ATRN: variants seen among roughly 807,000 people sequenced by gnomAD.
The protein encoded by ATRN is attractin-2.
ATRN carries 54 observed loss-of-function variants against 178.7 expected under a neutral mutation model. The observed-to-expected ratio is 0.30, with a 90% confidence interval of 0.24 to 0.38. ATRN has a LOEUF of 0.38. Ranked by LOEUF, ATRN falls within the 10% of genes least tolerant of loss-of-function variation. The probability of loss-of-function intolerance (pLI) is 1.00; values close to 1 mark genes in which losing one functional copy is unlikely to be tolerated. For synonymous variants in ATRN, 636 were observed against 663.0 expected (o/e 0.96, Z 0.63); for missense variants, 1,443 against 1,815.1 (o/e 0.79, Z 3.73).
At chr20:3,489,856 A>T (rs2084759761) in intron 1 of ATRN, 1 of 1,273,756 alleles carries the variant, frequency 7.9e-7, no homozygotes, top group African/African-American at 1.5e-5. Flanking sequence ...TATAGCCAGT[A>T]GGGAATGCGT....
At position 3,596,368 on chromosome 20, in the gene ATRN, C is replaced by A; in HGVS notation, c.3417-9C>A. 1.9e-6 allele frequency: 3 copies of A among 1,603,800 alleles called. No homozygotes were observed. The highest frequency in any genetic ancestry group is 2.6e-6 in the Non-Finnish European group (3 of 1,174,126). ...ATAGCAGTATAAAATAGTCTTTTTT[C>A]CCCCCCAGATGTGAGGTAGAAAATC... is the stretch of plus-strand genomic sequence containing the variant. On this transcript the variant is annotated splice_polypyrimidine_tract_variant and intron_variant, in intron 20 of 28. Coordinates refer to ENST00000262919, the MANE Select transcript of ATRN (RefSeq NM_139321.3).
At chr20:3,496,070 C>T (rs1256196202) in intron 1 of ATRN, among the ~76,000 whole-genome samples, 1 of 152,164 alleles carries the variant, frequency 6.6e-6, no homozygotes, top group Non-Finnish European at 1.5e-5. Context: ...AAGGCAATCT[C>T]TAAAAATCAA....
intron 25 of ATRN, among the ~76,000 whole-genome samples, chr20:3,631,871 C>T (rs1288152712): frequency 6.6e-6 from 1 of 152,092 alleles, no homozygotes; most frequent in Non-Finnish European, 1.5e-5. Flanking sequence ...CAGGATTATG[C>T]GTGGAAGCCA....
chr20:3,613,647 G>C (rs671577), intron 24 of ATRN, among the ~76,000 whole-genome samples: 2 of 150,534 alleles, frequency 1.3e-5, no homozygotes, highest in Non-Finnish European at 3.0e-5. Flanking sequence ...TTTCGATGCA[G>C]GCAAAGCCGT....
intron 23 of ATRN, among the ~76,000 whole-genome samples, chr20:3,602,373 G>A (rs982609341): frequency 6.6e-6 from 1 of 151,884 alleles, no homozygotes; most frequent in Admixed American, 6.6e-5. Context: ...AGAGTGATGT[G>A]AGAATTAAAT....
intron 16 of ATRN, among the ~76,000 whole-genome samples, chr20:3,582,690 T>C (rs1191224022): frequency 1.3e-5 from 2 of 152,042 alleles, no homozygotes; most frequent in Non-Finnish European, 1.5e-5. Flanking sequence ...AGAAATGCTG[T>C]GGAAGAAGAA....
intron 25 of ATRN, among the ~76,000 whole-genome samples, chr20:3,630,961 T>C (rs1202845078): frequency 1.2e-5 from 1 of 80,304 alleles, no homozygotes; most frequent in East Asian, 4.7e-4. Context: ...TTTTTTTTTT[T>C]TTTGGGATAG....
At position 3,471,400 on chromosome 20, in the gene ATRN, C is replaced by T. The variant is rs879691653; in HGVS notation, c.293C>T (p.Ala98Val). 7.8e-5 allele frequency: 116 copies of T among 1,488,874 alleles called. No individual in the cohort carries two copies. Among genetic ancestry groups the T allele is most frequent in the Non-Finnish European group, 9.9e-5 (112 of 1,127,718 alleles). 92.2% of individuals were successfully genotyped at this position (1,488,874 alleles called of 1,614,324 possible). Residue 98 changes from alanine (A) to valine (V), a missense_variant, in exon 1 of 29, where the codon GCC becomes GTC. Ala to Val is a moderately conservative substitution (Grantham distance 64). This residue lies in a region of ATRN where 862 missense variants were observed against 972.1 expected (regional missense o/e 0.89). Coordinates refer to ENST00000262919, the MANE Select transcript of ATRN (RefSeq NM_139321.3). The stretch of plus-strand genomic sequence containing the variant: ...GTGTCGGGCTCAGCCGCAGCCGAGG[C>T]CAAGGAATGTGACCGGCCCTGTGTC... ...AAVSGSAAAE[A>V]KECDRPCVNG... is the part of the protein sequence containing the mutation.
At chr20:3,499,626 G>T (rs1443308540) in intron 1 of ATRN, among the ~76,000 whole-genome samples, 1 of 148,310 alleles carries the variant, frequency 6.7e-6, no homozygotes, top group Non-Finnish European at 1.5e-5. Context: ...AAACTGGCTA[G>T]CCATATGTAG....
At chr20:3,571,249 G>A (rs2670303) in intron 11 of ATRN, among the ~76,000 whole-genome samples, 32,793 of 152,114 alleles carry the variant, frequency 0.22, 3,753 homozygotes, top group Middle Eastern at 0.38. Flanking sequence ...CTAAGCTTGT[G>A]GGAGTTATTT....
chr20:3,646,226 G>A (rs1221557623), intron 28 of ATRN, among the ~76,000 whole-genome samples: 1 of 152,200 alleles, frequency 6.6e-6, no homozygotes, highest in Non-Finnish European at 1.5e-5. Flanking sequence ...GGTATGGAAT[G>A]GAAGTGACTA....
At position 3,644,258 on chromosome 20, in the gene ATRN, T is replaced by C. The variant is rs750081767; in HGVS notation, c.4155T>C (p.Pro1385=). The change falls in exon 28 of 29, where the codon CCT becomes CCC. Residue 1385 remains proline, a synonymous_variant. Transcript: ENST00000262919. The part of the protein sequence containing the change: ...LPRGLGGIPP[P]GQSGLAVASA... The stretch of plus-strand genomic sequence containing the variant: ...GAGGCCTGGGTGGCATCCCTCCTCC[T>C]GGGCAGTCAGGTGAGTAGATGCGGT... 6.2e-7 allele frequency: 1 copy of C among 1,612,914 alleles called. No individual in the cohort carries two copies. Among genetic ancestry groups the C allele is most frequent in the African/African-American group, 1.3e-5 (1 of 74,898 alleles).
chr20:3,555,691 A>T (rs973885567), intron 6 of ATRN, among the ~76,000 whole-genome samples: 12 of 152,334 alleles, frequency 7.9e-5, no homozygotes, highest in Non-Finnish European at 1.5e-4. Flanking sequence ...CACTAAAGCT[A>T]TGGAAAGGAT....
At chr20:3,519,006 T>TAA (rs577864057) in intron 1 of ATRN, among the ~76,000 whole-genome samples, 23 of 119,506 alleles carry the variant, frequency 1.9e-4, no homozygotes, top group South Asian at 1.0e-3. Context: ...TCCTTATATA[T>TAA]AAAAAAAAAA....
At chr20:3,496,776 T>C (rs567663357) in intron 1 of ATRN, among the ~76,000 whole-genome samples, 2 of 152,090 alleles carry the variant, frequency 1.3e-5, no homozygotes, top group South Asian at 4.2e-4. Flanking sequence ...AAGTCTCCCA[T>C]TATTAATGTG....
At chr20:3,543,497 G>T (rs561421373) in intron 3 of ATRN, among the ~76,000 whole-genome samples, 2 of 152,022 alleles carry the variant, frequency 1.3e-5, no homozygotes, top group Non-Finnish European at 2.9e-5. Context: ...CGAGGTGGGC[G>T]GATTGCCTGA....
intron 1 of ATRN, among the ~76,000 whole-genome samples, chr20:3,534,537 C>T (rs2085496809): frequency 6.6e-6 from 1 of 152,028 alleles, no homozygotes; most frequent in Non-Finnish European, 1.5e-5. Flanking sequence ...GGAGATGACT[C>T]AGAAGGTAAG....
chr20:3,492,166 G>GGTGTGTGTGTGTGTGT (rs1356396347), intron 1 of ATRN, among the ~76,000 whole-genome samples: 1 of 53,682 alleles, frequency 1.9e-5, no homozygotes, highest in Non-Finnish European at 3.5e-5. Flanking sequence ...TCTAGATAGG[G>GGTGTGTGTGTGTGTGT]GAGTGTGTGT....
At chr20:3,533,598 T>C (rs930642124) in intron 1 of ATRN, among the ~76,000 whole-genome samples, 1 of 152,070 alleles carries the variant, frequency 6.6e-6, no homozygotes, top group African/African-American at 2.4e-5. Context: ...GATTATGAGG[T>C]AGAAGCCACA....
Sources: gnomAD v4.1 joint callset for allele counts (sites outside exome capture counted in the v4.1 genomes callset) on GRCh38, gnomAD v4.1.1 for gene constraint, gnomAD v4.1.1 regional missense constraint, MANE v1.5 for transcripts, NCBI Gene and HGNC (gene_info 2026-07-23, HGNC 2026-07-21) for gene names.